Variants in ASIP observed in about 807,000 individuals in gnomAD.
ASIP encodes agouti-signaling protein.
In ASIP, 11 loss-of-function variants were observed where a neutral mutation model predicts 10.3. The observed-to-expected ratio is 1.07, with a 90% confidence interval of 0.68 to 1.78. ASIP has a LOEUF of 1.78. Among genes scored for constraint, ASIP ranks in the 40% most tolerant of loss-of-function variants. The pLI is 0.00. For missense variants in ASIP, 180 were observed against 169.2 expected, an observed-to-expected ratio of 1.06 and a Z score of -0.35; for synonymous variants, 70 against 70.8, an observed-to-expected ratio of 0.99 and a Z score of 0.06.
chr20:34,201,011 TC>T (rs1336262720), intron 1 of ASIP, among the ~76,000 whole-genome samples: 137 of 82,280 alleles, frequency 1.7e-3, no homozygotes, highest in Non-Finnish European at 2.1e-3. Flanking sequence ...CTTCCTTCCT[TC>T]CTTCCTTCTT....
Position 34,269,205 on chromosome 20 carries a change from G to A in ASIP, c.*38G>A. The A allele has an allele frequency of 5.5e-6, 8 of 1,448,946 alleles. No individual in the cohort carries two copies. The highest frequency in any genetic ancestry group is 7.2e-6 in the Non-Finnish European group (8 of 1,104,224). 89.8% of individuals were successfully genotyped at this position (1,448,946 alleles called of 1,614,324 possible). The stretch of plus-strand genomic sequence containing the variant: ...CCGGCCGCGAGCAGGCAGGGCTTCG[G>A]GGACGCGGGGCGCTTCTCGGGCGGG... On this transcript the variant is annotated 3_prime_UTR_variant, in exon 4 of 4. Transcript: ENST00000374954.
At chr20:34,255,955 TCA>T (rs771274073) in intron 1 of ASIP, among the ~76,000 whole-genome samples, 141 of 152,114 alleles carry the variant, frequency 9.3e-4, no homozygotes, top group Non-Finnish European at 1.5e-3. Flanking sequence ...AGGCCTGACA[TCA>T]GTCAGGCCCA....
intron 1 of ASIP, among the ~76,000 whole-genome samples, chr20:34,257,077 TTTTTTG>T (rs1366126742): frequency 1.0e-4 from 15 of 147,156 alleles, no homozygotes; most frequent in African/African-American, 2.9e-4. Context: ...TCTCTTTTTT[TTTTTTG>T]TTTTTTGTTT....
At chr20:34,225,583 T>C (rs1314073952) in intron 1 of ASIP, among the ~76,000 whole-genome samples, 3 of 152,158 alleles carry the variant, frequency 2.0e-5, no homozygotes, top group Non-Finnish European at 2.9e-5. Flanking sequence ...TACATTGGTA[T>C]TTAGGTGGAA....
chr20:34,214,735 G>A (rs1265534644), intron 1 of ASIP: 27 of 1,179,650 alleles, frequency 2.3e-5, no homozygotes, highest in Non-Finnish European at 3.2e-5. Context: ...TTTCATAACG[G>A]CCAACATGAT....
chr20:34,241,111 A>C (rs2035278382), upstream of ASIP, among the ~76,000 whole-genome samples: 2 of 152,196 alleles, frequency 1.3e-5, no homozygotes, highest in African/African-American at 4.8e-5. Flanking sequence ...CACCGTAAAT[A>C]GGAGGAAACA....
intron 1 of ASIP, among the ~76,000 whole-genome samples, chr20:34,259,327 A>G (rs1476668047): frequency 6.6e-6 from 1 of 152,136 alleles, no homozygotes; most frequent in Admixed American, 6.6e-5. Context: ...AGCCTGGCCA[A>G]CATGGTGAAA....
At chr20:34,227,870 T>G (rs2035103507) in intron 1 of ASIP, among the ~76,000 whole-genome samples, 1 of 152,160 alleles carries the variant, frequency 6.6e-6, no homozygotes, top group African/African-American at 2.4e-5. Flanking sequence ...ACTTCCAGAC[T>G]TGGAGAATAA....
chr20:34,204,599 G>T (rs1190182919), intron 1 of ASIP, among the ~76,000 whole-genome samples: 1 of 152,092 alleles, frequency 6.6e-6, no homozygotes, highest in African/African-American at 2.4e-5. Context: ...AAAATAGCAG[G>T]CATCCTTATC....
At chr20:34,215,887 A>C (rs1262872511) in intron 1 of ASIP, 1 of 985,290 alleles carries the variant, frequency 1.0e-6, no homozygotes, top group Non-Finnish European at 1.6e-6. Context: ...GAGCCTGTTT[A>C]TCCATCCTTG....
chr20:34,255,578 T>C (rs2035553186), intron 1 of ASIP, among the ~76,000 whole-genome samples: 1 of 152,260 alleles, frequency 6.6e-6, no homozygotes, highest in South Asian at 2.1e-4. Context: ...GATGTGATTA[T>C]ATATGAATAT....
At chr20:34,261,635 AAAAC>A (rs766170663) in intron 2 of ASIP, among the ~76,000 whole-genome samples, 9 of 151,852 alleles carry the variant, frequency 5.9e-5, no homozygotes, top group Non-Finnish European at 5.9e-5. Flanking sequence ...TCCTGTCTCA[AAAAC>A]AAACAAACAA....
At chr20:34,255,820 G>A (rs1322147814) in intron 1 of ASIP, among the ~76,000 whole-genome samples, 6 of 152,316 alleles carry the variant, frequency 3.9e-5, no homozygotes, top group East Asian at 3.9e-4. Context: ...CCATTACCTA[G>A]TGGACCTTGG....
chr20:34,256,302 G>T (rs2035567420), intron 1 of ASIP, among the ~76,000 whole-genome samples: 1 of 152,070 alleles, frequency 6.6e-6, no homozygotes, highest in South Asian at 2.1e-4. Flanking sequence ...AGGCATTCGG[G>T]GCCATTACTG....
upstream of ASIP, among the ~76,000 whole-genome samples, chr20:34,239,065 G>A (rs2035248434): frequency 2.6e-5 from 4 of 152,086 alleles, no homozygotes; most frequent in South Asian, 8.3e-4. Context: ...AATAATTTAA[G>A]CCCCCAAAGA....
chr20:34,210,475 A>G (rs1049359169), intron 1 of ASIP, among the ~76,000 whole-genome samples: 3 of 152,226 alleles, frequency 2.0e-5, no homozygotes, highest in Non-Finnish European at 2.9e-5. Flanking sequence ...AGCAGCTGAC[A>G]TGCTTGACTG....
chr20:34,201,642 G>A (rs761674564), intron 1 of ASIP, among the ~76,000 whole-genome samples: 2 of 152,178 alleles, frequency 1.3e-5, no homozygotes, highest in Non-Finnish European at 2.9e-5. Flanking sequence ...GAGTGGAGCC[G>A]GAGCCATATA....
chr20:34,246,833 C>G (rs1007356093), intron 1 of ASIP, among the ~76,000 whole-genome samples: 1 of 152,104 alleles, frequency 6.6e-6, no homozygotes. Flanking sequence ...TCCCACAACT[C>G]TTCTATTTAT....
intron 1 of ASIP, among the ~76,000 whole-genome samples, chr20:34,255,494 C>G (rs906139021): frequency 1.3e-5 from 2 of 151,746 alleles, no homozygotes; most frequent in African/African-American, 4.8e-5. Context: ...GGCAAGAGAC[C>G]GAGGGCACAA....
Sources: gnomAD v4.1 joint callset for allele counts (sites outside exome capture counted in the v4.1 genomes callset) on GRCh38, gnomAD v4.1.1 for gene constraint, MANE v1.5 for transcripts, NCBI Gene and HGNC (gene_info 2026-07-23, HGNC 2026-07-21) for gene names.